The following PCSK9 variants were observed in gnomAD, a reference collection of about 807,000 sequenced individuals.
PCSK9 encodes the protein proprotein convertase subtilisin/kexin type 9.
PCSK9 carries 57 observed loss-of-function variants against 62.1 expected under a neutral mutation model. The observed-to-expected ratio is 0.92, with a 90% CI of 0.74 to 1.14. The LOEUF is 1.14. Ranked by LOEUF, PCSK9 falls within the 50% of genes most tolerant of loss-of-function variation. The probability of loss-of-function intolerance (pLI) is 0.00; values close to 1 mark genes in which losing one functional copy is unlikely to be tolerated. For missense variants in PCSK9, 870 were observed against 959.8 expected, an observed-to-expected ratio of 0.91 and a Z score of 1.24; for synonymous variants, 387 against 409.4, an observed-to-expected ratio of 0.95 and a Z score of 0.66.
intron 1 of PCSK9, among the ~76,000 whole-genome samples, chr1:55,042,511 C>G (rs372840049): frequency 6.6e-6 from 1 of 152,114 alleles, no homozygotes; most frequent in East Asian, 1.9e-4. Flanking sequence ...GGTTCAAAAC[C>G]GTTTTGGCCC....
chr1:55,056,256 G>C lies in PCSK9; in HGVS notation c.996+67G>C. ...GGAGGGCGGAGGGCGGAGGGAGGGCGGGCGGGCAGGCGGGCTTCTTGTGGC... is the reference window on the plus strand; with the variant it reads ...GGAGGGCGGAGGGCGGAGGGAGGGCCGGCGGGCAGGCGGGCTTCTTGTGGC... On this transcript the variant is annotated intron_variant, in intron 6 of 11. Coordinates refer to ENST00000302118, the MANE Select transcript of PCSK9 (RefSeq NM_174936.4). 2 of 1,018,910 alleles carry C rather than the reference G, an allele frequency of 2.0e-6. 1 individual carries two copies. The highest frequency in any genetic ancestry group is 5.4e-5 in the South Asian group (2 of 37,296). The allele number at this position is 1,018,910 out of a possible 1,614,324, so 63.1% of individuals were successfully genotyped here. A position where few individuals can be genotyped will look rare whatever the true frequency, so the allele number is the denominator to read the frequency against.
At position 55,063,697 on chromosome 1, in the gene PCSK9, G is replaced by T. The variant is rs1286923206; in HGVS notation, c.*113G>T. 4 of 1,256,714 alleles carry T rather than the reference G, an allele frequency of 3.2e-6. No homozygotes were observed. The highest frequency in any genetic ancestry group is 4.3e-6 in the Non-Finnish European group (4 of 921,372). The allele number at this position is 1,256,714 out of a possible 1,614,324, so 77.8% of individuals were successfully genotyped here. ...TCCATGGCCTGGCACGAGGGGATGG[G>T]GATGCTTCCGCCTTTCCGGGGCTGC... is the stretch of plus-strand genomic sequence containing the variant. On this transcript the variant is annotated 3_prime_UTR_variant, in exon 12 of 12. Transcript: ENST00000302118.
At chr1:55,053,881 G>A (rs949981596) in intron 5 of PCSK9, among the ~76,000 whole-genome samples, 4 of 152,194 alleles carry the variant, frequency 2.6e-5, no homozygotes, top group African/African-American at 4.8e-5. Flanking sequence ...CCCAGGCCTG[G>A]TGCTCTGGCC....
chr1:55,050,680 A>G (rs1644666742), intron 3 of PCSK9, among the ~76,000 whole-genome samples: 1 of 151,956 alleles, frequency 6.6e-6, no homozygotes, highest in African/African-American at 2.4e-5. Flanking sequence ...CTGTGCCCAG[A>G]CCTACTAGCA....
At chr1:55,043,698 G>T in intron 1 of PCSK9, 145 bp from the exon 2 acceptor site, 1 of 931,300 alleles carries the variant, frequency 1.1e-6, no homozygotes, top group Non-Finnish European at 1.7e-6. Context: ...TTTGCTTTTT[G>T]GTCCGCATTT....
intron 5 of PCSK9, among the ~76,000 whole-genome samples, chr1:55,054,730 G>A (rs968554176): frequency 1.3e-5 from 2 of 152,250 alleles, no homozygotes; most frequent in African/African-American, 4.8e-5. Flanking sequence ...TGGTGGCTGG[G>A]TGCAGTGGCT....
rs546774002 is a variant in PCSK9, at chr1:55,044,086, A to G, written c.399+52A>G. On this transcript the variant is annotated intron_variant, in intron 2 of 11. Transcript: ENST00000302118. Reference sequence around the variant, plus strand: ...CTTCCTGATAGGGCTGGGCCACTGCATATACACTGGGGACTGTGCTTAGTA... The same window carrying G: ...CTTCCTGATAGGGCTGGGCCACTGCGTATACACTGGGGACTGTGCTTAGTA... 193 of 1,593,494 alleles carry G rather than the reference A, an allele frequency of 1.2e-4. 3 individuals are homozygous for G. In the South Asian group the frequency reaches 2.1e-3, roughly 17 times the overall value.
Position 55,039,902 on chromosome 1 carries a change from T to TG in PCSK9, c.65_66insG (p.Leu23ProfsTer148). On this transcript the variant is annotated frameshift_variant, in exon 1 of 12. Coordinates refer to ENST00000302118, the MANE Select transcript of PCSK9 (RefSeq NM_174936.4). LOFTEE classifies it high-confidence loss of function. ...CCACTGCTGCTGCTGCTGCTGCTGC[T>TG]CCTGGGTCCCGCGGGCGCCCGTGCG... is the stretch of plus-strand genomic sequence containing the variant. 5 of 1,566,544 alleles carry TG rather than the reference T, an allele frequency of 3.2e-6. No individual in the cohort carries two copies. Among genetic ancestry groups the TG allele is most frequent in the Non-Finnish European group, 4.3e-6 (5 of 1,156,508 alleles).
chr1:55,039,688 C>A lies in PCSK9; in HGVS notation c.-150C>A. 1 of 925,124 alleles carries A rather than the reference C, an allele frequency of 1.1e-6. No individual in the cohort carries two copies. The highest frequency in any genetic ancestry group is 1.6e-6 in the Non-Finnish European group (1 of 617,422). The allele number at this position is 925,124 out of a possible 1,614,324, so 57.3% of individuals were successfully genotyped here. A position where few individuals can be genotyped will look rare whatever the true frequency, so the allele number is the denominator to read the frequency against. On this transcript the variant is annotated 5_prime_UTR_variant, in exon 1 of 12. Coordinates refer to ENST00000302118, the MANE Select transcript of PCSK9 (RefSeq NM_174936.4). Reference sequence around the variant, plus strand: ...GCAGCAGCGGCTCCCAGCTCCCAGCCAGGATTCCGCGCGCCCCTTCACGCG... The same window carrying A: ...GCAGCAGCGGCTCCCAGCTCCCAGCAAGGATTCCGCGCGCCCCTTCACGCG...
chr1:55,050,820 C>T (rs1377793052), intron 3 of PCSK9: 1 of 304,126 alleles, frequency 3.3e-6, no homozygotes, highest in Non-Finnish European at 6.4e-6. Context: ...CACACCCAGA[C>T]AGAGCCTGTG....
In PCSK9 at chr1:55,045,654, C is replaced by T. The variant is rs28362222; in HGVS notation, c.400-869C>T. ...CACCCGAGGGTTCACCGCTGCCATG[C>T]GCAGGGAGTCAGGAGGTAGGGAGGG... On this transcript the variant is annotated intron_variant, in intron 2 of 11. Transcript: ENST00000302118. Among the ~76,000 whole-genome samples, 252 of 150,852 alleles carry T rather than the reference C, an allele frequency of 1.7e-3. 1 individual carries two copies. Among genetic ancestry groups the T allele is most frequent in the African/African-American group, 5.5e-3 (225 of 41,120 alleles).
Position 55,063,849 on chromosome 1 carries a change from C to G in PCSK9, c.*265C>G. 1.8e-6 allele frequency: 1 copy of G among 553,258 alleles called. No homozygotes were observed. The allele number at this position is 553,258 out of a possible 1,614,324, so 34.3% of individuals were successfully genotyped here. A position where few individuals can be genotyped will look rare whatever the true frequency, so the allele number is the denominator to read the frequency against. On this transcript the variant is annotated 3_prime_UTR_variant, in exon 12 of 12. Transcript: ENST00000302118. The stretch of plus-strand genomic sequence containing the variant: ...GGGGCATTTCACCATTCAAACAGGT[C>G]GAGCTGTGCTCGGGTGCTGCCAGCT...
intron 3 of PCSK9, among the ~76,000 whole-genome samples, chr1:55,049,973 C>T (rs1644661427): frequency 7.5e-6 from 1 of 133,826 alleles, no homozygotes; most frequent in Non-Finnish European, 1.7e-5. Context: ...AACTCAGCTG[C>T]AGCCTCAGTT....
chr1:55,063,335 A>G (rs1366324899), intron 11 of PCSK9, 34 bp from the exon 12 acceptor site: 1 of 1,606,010 alleles, frequency 6.2e-7, no homozygotes, highest in African/African-American at 1.3e-5. Context: ...GGGCCACGCT[A>G]GACATGTGCT....
rs139683719 is a variant in PCSK9 at position 55,057,453 on chromosome 1, C to T, written c.1119C>T (p.Ser373=). ...GGGAGGACATCATTGGTGCCTCCAGCGACTGCAGCACCTGCTTTGTGTCAC... is the reference window on the plus strand; with the variant it reads ...GGGAGGACATCATTGGTGCCTCCAGTGACTGCAGCACCTGCTTTGTGTCAC... ...APGEDIIGAS[S]DCSTCFVSQS... is the part of the protein sequence containing the mutation. Residue 373 remains serine (S), a synonymous_variant, in exon 7 of 12, where the codon AGC becomes AGT. Coordinates refer to ENST00000302118, the MANE Select transcript of PCSK9 (RefSeq NM_174936.4). 43 of 1,614,036 alleles carry T rather than the reference C, an allele frequency of 2.7e-5. No individual in the cohort carries two copies. The East Asian group carries it at 2.9e-4, about 11-fold the overall frequency.
rs72658890 is a variant in PCSK9 at position 55,043,946 on chromosome 1, G to A, written c.311G>A (p.Arg104His). Residue 104 changes from arginine to histidine, a missense_variant, in exon 2 of 12, where the codon CGC becomes CAC. Physicochemically the swap from Arg to His is conservative, Grantham distance 29. Coordinates refer to ENST00000302118, the MANE Select transcript of PCSK9 (RefSeq NM_174936.4). The part of the protein sequence containing the change: ...TARRLQAQAA[R>H]RGYLTKILHV... Reference sequence around the variant, plus strand: ...CGCCGCCTGCAGGCCCAGGCTGCCCGCCGGGGATACCTCACCAAGATCCTG... The same window carrying A: ...CGCCGCCTGCAGGCCCAGGCTGCCCACCGGGGATACCTCACCAAGATCCTG... 33 of 1,614,194 alleles carry A rather than the reference G, an allele frequency of 2.0e-5. No individual in the cohort carries two copies. The highest frequency in any genetic ancestry group is 2.5e-5 in the Non-Finnish European group (29 of 1,180,040).
Position 55,058,627 on chromosome 1 carries a change from C to T in PCSK9, c.1483C>T (p.Arg495Trp), listed in dbSNP as rs758999339. 1.4e-5 allele frequency: 23 copies of T among 1,610,836 alleles called. No homozygotes were observed. Among genetic ancestry groups the T allele is most frequent in the South Asian group, 5.5e-5 (5 of 90,946 alleles). Residue 495 changes from arginine (R) to tryptophan (W), a missense_variant, in exon 9 of 12, where the codon CGG (arginine) becomes TGG (tryptophan). Physicochemically the swap from Arg to Trp is moderately radical, Grantham distance 101 (BLOSUM62 -3). Transcript: ENST00000302118. Reference sequence around the variant, plus strand: ...CTCCAGTTTCTCCAGGAGTGGGAAGCGGCGGGGCGAGCGCATGGAGGTGAC... The same window carrying T: ...CTCCAGTTTCTCCAGGAGTGGGAAGTGGCGGGGCGAGCGCATGGAGGTGAC... ...SCSSFSRSGK[R>W]RGERMEAQGG...
chr1:55,058,005 C>T (rs1169331635), intron 7 of PCSK9, 31 bp from the exon 8 acceptor site: 2 of 1,613,252 alleles, frequency 1.2e-6, no homozygotes, highest in Admixed American at 1.7e-5. Flanking sequence ...GCCGGGCCAT[C>T]ACCATCTTTC....
intron 5 of PCSK9, among the ~76,000 whole-genome samples, chr1:55,054,653 G>A (rs1007854106): frequency 1.3e-5 from 2 of 152,166 alleles, no homozygotes; most frequent in Admixed American, 6.5e-5. Context: ...CCAGAGCTGC[G>A]TTAGGCCTCC....
Sources: allele counts gnomAD v4.1 joint callset (sites outside exome capture counted in the v4.1 genomes callset), GRCh38; gene constraint gnomAD v4.1.1; transcripts MANE v1.5; gene names NCBI Gene and HGNC (gene_info 2026-07-23, HGNC 2026-07-21).